Variants in PPM1H observed in about 807,000 individuals in gnomAD.
PPM1H encodes the protein protein phosphatase 1H.
In PPM1H, 27 loss-of-function variants were observed where a neutral mutation model predicts 54.9. That is an observed-to-expected ratio of 0.49 (90% CI 0.36 to 0.68). The LOEUF is 0.68. Ranked by LOEUF, PPM1H falls within the 30% of genes least tolerant of loss-of-function variation. The pLI, the probability that PPM1H is intolerant of heterozygous loss-of-function variation, is 0.00. For missense variants in PPM1H, 596 were observed against 667.8 expected (o/e 0.89, Z 1.19); for synonymous variants, 305 against 270.8 (o/e 1.13, Z -1.24).
intron 8 of PPM1H, among the ~76,000 whole-genome samples, chr12:62,674,709 A>G (rs574052188): frequency 6.6e-6 from 1 of 152,252 alleles, no homozygotes; most frequent in Non-Finnish European, 1.5e-5. Context: ...CACCAAAGGT[A>G]AATGGGATAC....
At chr12:62,892,968 C>T (rs939962491) in intron 1 of PPM1H, among the ~76,000 whole-genome samples, 13 of 152,132 alleles carry the variant, frequency 8.5e-5, no homozygotes, top group Non-Finnish European at 1.8e-4. Flanking sequence ...TTGCTTTCAG[C>T]AACAGAACAT....
chr12:62,772,193 C>T (rs377200030), intron 4 of PPM1H, among the ~76,000 whole-genome samples: 2 of 152,176 alleles, frequency 1.3e-5, no homozygotes, highest in Non-Finnish European at 2.9e-5. Context: ...CCACACTGAA[C>T]GCCTTCTGTG....
At chr12:62,701,382 A>G (rs2076143174) in intron 6 of PPM1H, among the ~76,000 whole-genome samples, 1 of 152,164 alleles carries the variant, frequency 6.6e-6, no homozygotes, top group African/African-American at 2.4e-5. Flanking sequence ...CTTTTACCCT[A>G]ATGAGCAGCA....
intron 8 of PPM1H, 95 bp from the exon 9 acceptor site, chr12:62,667,424 C>T: frequency 8.6e-7 from 1 of 1,165,096 alleles, no homozygotes; most frequent in Non-Finnish European, 1.2e-6. Flanking sequence ...TTTTCCTGCC[C>T]AGCCTAGTGG....
chr12:62,713,952 A>C (rs2076221762), intron 6 of PPM1H, among the ~76,000 whole-genome samples: 1 of 151,988 alleles, frequency 6.6e-6, no homozygotes, highest in South Asian at 2.1e-4. Context: ...TGAGTGACAG[A>C]GTGAGACCCT....
chr12:62,917,368 T>C (rs987019), intron 1 of PPM1H, among the ~76,000 whole-genome samples: 30,905 of 152,218 alleles, frequency 0.2, 3,599 homozygotes, highest in African/African-American at 0.31. Flanking sequence ...CAGATCTAGT[T>C]GTGATCTTCA....
chr12:62,759,284 G>A (rs1165604522), intron 4 of PPM1H, among the ~76,000 whole-genome samples: 1 of 152,236 alleles, frequency 6.6e-6, no homozygotes, highest in Non-Finnish European at 1.5e-5. Context: ...TCCATGAAGA[G>A]ATCCACCTAT....
chr12:62,795,073 A>G (rs866649463), intron 3 of PPM1H, among the ~76,000 whole-genome samples: 15 of 152,184 alleles, frequency 9.9e-5, no homozygotes, highest in South Asian at 2.1e-4. Flanking sequence ...AGTATTAAAA[A>G]CCAGTGGTCA....
chr12:62,778,067 A>G (rs913567338), intron 4 of PPM1H, among the ~76,000 whole-genome samples: 11 of 152,242 alleles, frequency 7.2e-5, no homozygotes, highest in African/African-American at 2.7e-4. Context: ...CTAAAGCTGA[A>G]CTTACTGCAT....
At chr12:62,822,600 C>T (rs1179753653) in intron 2 of PPM1H, among the ~76,000 whole-genome samples, 6 of 152,058 alleles carry the variant, frequency 3.9e-5, no homozygotes, top group African/African-American at 7.2e-5. Context: ...CACTCAAAAC[C>T]GCTCAACTAC....
chr12:62,753,631 C>T (rs1388948928), intron 4 of PPM1H, among the ~76,000 whole-genome samples: 1 of 152,174 alleles, frequency 6.6e-6, no homozygotes, highest in Non-Finnish European at 1.5e-5. Context: ...TGTTCTGTTC[C>T]CTCTTGGAAA....
intron 4 of PPM1H, among the ~76,000 whole-genome samples, chr12:62,773,041 G>C (rs188380437): frequency 6.6e-6 from 1 of 152,276 alleles, no homozygotes; most frequent in East Asian, 1.9e-4. Flanking sequence ...CCAGCTACTC[G>C]GGAGGCTGAG....
chr12:62,853,855 G>C (rs974921244), intron 1 of PPM1H, among the ~76,000 whole-genome samples: 5 of 152,112 alleles, frequency 3.3e-5, no homozygotes, highest in Admixed American at 3.3e-4. Context: ...AGAAGGTAAG[G>C]GGGTAGTTCC....
intron 2 of PPM1H, among the ~76,000 whole-genome samples, chr12:62,819,245 T>C (rs1275900227): frequency 6.6e-6 from 1 of 150,732 alleles, no homozygotes; most frequent in African/African-American, 2.4e-5. Flanking sequence ...TTCTCCTGCC[T>C]CAGCCTCCCG....
chr12:62,821,820 A>T (rs1592617401), intron 2 of PPM1H, among the ~76,000 whole-genome samples: 1 of 152,230 alleles, frequency 6.6e-6, no homozygotes, highest in African/African-American at 2.4e-5. Context: ...CCAAATTGTA[A>T]AGACCTTCGG....
At chr12:62,828,936 A>G (rs946309579) in intron 2 of PPM1H, among the ~76,000 whole-genome samples, 5 of 152,114 alleles carry the variant, frequency 3.3e-5, no homozygotes, top group African/African-American at 1.2e-4. Flanking sequence ...TACTATTAAA[A>G]AAAGAAAACA....
chr12:62,858,092 C>T (rs1375913402), intron 1 of PPM1H, among the ~76,000 whole-genome samples: 1 of 151,208 alleles, frequency 6.6e-6, no homozygotes. Flanking sequence ...CATCACCCCA[C>T]CACGCCCCCT....
intron 2 of PPM1H, among the ~76,000 whole-genome samples, chr12:62,810,139 G>A (rs2076826198): frequency 6.6e-6 from 1 of 152,086 alleles, no homozygotes; most frequent in Non-Finnish European, 1.5e-5. Flanking sequence ...GAAAGAAAAG[G>A]AGAGAATGGT....
At chr12:62,718,721 C>T (rs1262812739) in intron 6 of PPM1H, among the ~76,000 whole-genome samples, 1 of 152,210 alleles carries the variant, frequency 6.6e-6, no homozygotes, top group Non-Finnish European at 1.5e-5. Flanking sequence ...TGCTGAATTA[C>T]ACTAGCTCTC....
Sources: gnomAD v4.1 joint callset for allele counts (sites outside exome capture counted in the v4.1 genomes callset) on GRCh38, gnomAD v4.1.1 for gene constraint, MANE v1.5 for transcripts, NCBI Gene and HGNC (gene_info 2026-07-23, HGNC 2026-07-21) for gene names.